The following MON2 variants were observed in gnomAD, a reference collection of about 807,000 sequenced individuals.
MON2 encodes protein MON2 homolog.
In MON2, 84 loss-of-function variants were observed where a neutral mutation model predicts 208.6. The observed-to-expected ratio is 0.40, with a 90% CI of 0.34 to 0.48. MON2 has a LOEUF of 0.48. MON2 is among the 20% of genes least tolerant of loss of function. The pLI, the probability that MON2 is intolerant of heterozygous loss-of-function variation, is 0.59. For missense variants in MON2, 1,611 were observed against 2,015.4 expected (o/e 0.80, Z 3.84); for synonymous variants, 660 against 694.0 (o/e 0.95, Z 0.77).
In MON2 at chr12:62,537,648, C is replaced by T. The variant is rs894159204; in HGVS notation, c.2060C>T (p.Ala687Val). Residue 687 changes from alanine (A) to valine (V), a missense_variant, in exon 16 of 35, where the codon GCG (alanine) becomes GTG (valine). Coordinates refer to ENST00000393630, the MANE Select transcript of MON2 (RefSeq NM_015026.3). ...TGTATGAGGACTTTACTTAACTTGG[C>T]GCATTGCCATGGGGCTGTTCTTGGA... ...IQCMRTLLNL[A>V]HCHGAVLGTS... is the part of the protein sequence containing the mutation. The T allele has an allele frequency of 8.7e-6, 14 of 1,613,086 alleles. No individual in the cohort carries two copies. Among genetic ancestry groups the T allele is most frequent in the East Asian group, 4.5e-5 (2 of 44,828 alleles).
Position 62,531,622 on chromosome 12 carries a change from G to A in MON2, c.1401-816G>A, listed in dbSNP as rs560212508. Among the ~76,000 whole-genome samples the A allele has an allele frequency of 3.3e-5, 5 of 152,046 alleles. No individual in the cohort carries two copies. The East Asian group carries it at 5.8e-4, about 18-fold the overall frequency. ...TAACTATGGGGTAAAAAATTGCTCCGCAGTTTGAACTTGACACACTGATGC... is the reference window on the plus strand; with the variant it reads ...TAACTATGGGGTAAAAAATTGCTCCACAGTTTGAACTTGACACACTGATGC... On this transcript the variant is annotated intron_variant, in intron 11 of 34. Coordinates refer to ENST00000393630, the MANE Select transcript of MON2 (RefSeq NM_015026.3).
chr12:62,488,723 A>G (rs1176464996), intron 2 of MON2, among the ~76,000 whole-genome samples: 1 of 152,182 alleles, frequency 6.6e-6, no homozygotes, highest in Non-Finnish European at 1.5e-5. Flanking sequence ...GGGAGATTAC[A>G]TAGTTTATCT....
At chr12:62,504,245 C>CTTTTTTT (rs71450586) in intron 7 of MON2, among the ~76,000 whole-genome samples, 1 of 118,606 alleles carries the variant, frequency 8.4e-6, no homozygotes, top group Non-Finnish European at 1.7e-5. Context: ...CTTTTCTTTT[C>CTTTTTTT]TTTTTTTTTT....
chr12:62,483,070 A>G (rs1405695877), intron 1 of MON2: 1 of 152,154 alleles, frequency 6.6e-6, no homozygotes, highest in Non-Finnish European at 1.5e-5. Flanking sequence ...AGAAACAGAC[A>G]TTTAATTTTA....
At chr12:62,588,590 C>T (rs1257160914) in intron 34 of MON2, among the ~76,000 whole-genome samples, 1 of 152,136 alleles carries the variant, frequency 6.6e-6, no homozygotes, top group African/African-American at 2.4e-5. Context: ...TTCTGTTGTT[C>T]ATTCCTGTCC....
chr12:62,480,044 A>G (rs2069318310), intron 1 of MON2, among the ~76,000 whole-genome samples: 1 of 152,210 alleles, frequency 6.6e-6, no homozygotes, highest in African/African-American at 2.4e-5. Context: ...TGTGTCAATA[A>G]TCATTGATAG....
intron 12 of MON2, among the ~76,000 whole-genome samples, chr12:62,533,753 A>C (rs888806856): frequency 6.6e-6 from 1 of 152,178 alleles, no homozygotes; most frequent in Non-Finnish European, 1.5e-5. Flanking sequence ...CCACTTGGAT[A>C]GGAAATACAT....
At chr12:62,560,466 G>GT (rs751681688) in intron 25 of MON2, 25 bp from the exon 26 acceptor site, 511 of 1,535,798 alleles carry the variant, frequency 3.3e-4, no homozygotes, top group Admixed American at 6.8e-4. Context: ...TATGATAATA[G>GT]TTTTTTTTTC....
At chr12:62,554,410 A>C (rs1264143428) in intron 24 of MON2, among the ~76,000 whole-genome samples, 1 of 152,110 alleles carries the variant, frequency 6.6e-6, no homozygotes, top group East Asian at 1.9e-4. Context: ...AATTTCTATC[A>C]AGTTCCTGGG....
chr12:62,533,095 A>ATATGACC (rs1365115338), intron 12 of MON2, among the ~76,000 whole-genome samples: 33 of 152,242 alleles, frequency 2.2e-4, no homozygotes, highest in African/African-American at 7.9e-4. Context: ...TCCTTGTTTT[A>ATATGACC]TATGACCTTA....
At position 62,598,369 on chromosome 12, in the gene MON2, C is replaced by T. The variant is rs1439232720; in HGVS notation, c.*5620C>T. On this transcript the variant is annotated 3_prime_UTR_variant, in exon 35 of 35. Coordinates refer to ENST00000393630, the MANE Select transcript of MON2 (RefSeq NM_015026.3). ...CCAGGGAAGATCTGCTAAACCATGC[C>T]GTTATTTGGAAAATCATTGCAATAT... is the stretch of plus-strand genomic sequence containing the variant. 1 of 152,068 alleles carries T rather than the reference C, an allele frequency of 6.6e-6. No individual in the cohort carries two copies. Among genetic ancestry groups the T allele is most frequent in the African/African-American group, 2.4e-5 (1 of 41,418 alleles). The allele number at this position is 152,068 out of a possible 1,614,324, so 9.4% of individuals were successfully genotyped here.
At chr12:62,560,113 ATTTT>A in intron 25 of MON2, 1 of 156,564 alleles carries the variant, frequency 6.4e-6, no homozygotes, top group East Asian at 1.9e-4. Context: ...GGGGTTTTTA[ATTTT>A]TTTTATTTCA....
intron 3 of MON2, among the ~76,000 whole-genome samples, chr12:62,494,730 C>A (rs923047930): frequency 7.2e-5 from 11 of 152,150 alleles, no homozygotes; most frequent in Non-Finnish European, 1.3e-4. Flanking sequence ...AATCTATCAA[C>A]ATTATTGTAG....
chr12:62,479,380 A>G (rs937985081), intron 1 of MON2, among the ~76,000 whole-genome samples: 2 of 150,128 alleles, frequency 1.3e-5, no homozygotes, highest in Non-Finnish European at 2.9e-5. Context: ...TGTAAATGCT[A>G]TGTAAATAGT....
intron 11 of MON2, among the ~76,000 whole-genome samples, chr12:62,531,165 G>A (rs2072619656): frequency 6.6e-6 from 1 of 152,106 alleles, no homozygotes; most frequent in African/African-American, 2.4e-5. Context: ...CTTTCATTCT[G>A]TGGGTCTTTT....
intron 2 of MON2, among the ~76,000 whole-genome samples, chr12:62,485,541 T>C: frequency 6.6e-6 from 1 of 152,178 alleles, no homozygotes; most frequent in East Asian, 1.9e-4. Context: ...TTTCCCTGAT[T>C]TTGAACAGTC....
At chr12:62,556,686 G>A (rs1423696704) in intron 25 of MON2, among the ~76,000 whole-genome samples, 1 of 152,142 alleles carries the variant, frequency 6.6e-6, no homozygotes, top group Non-Finnish European at 1.5e-5. Context: ...CATGTTTAAA[G>A]GTCTAGAATG....
At chr12:62,518,935 A>C (rs1489819736) in intron 8 of MON2, among the ~76,000 whole-genome samples, 2 of 152,142 alleles carry the variant, frequency 1.3e-5, no homozygotes, top group Non-Finnish European at 2.9e-5. Flanking sequence ...GATGCCTGGT[A>C]GTTGGGGGGC....
intron 13 of MON2, 31 bp from the exon 14 acceptor site, chr12:62,535,494 A>T: frequency 6.8e-7 from 1 of 1,478,238 alleles, no homozygotes; most frequent in Non-Finnish European, 9.1e-7. Flanking sequence ...AAAATAAGTT[A>T]ATCAGATTAA....
Sources: gnomAD v4.1 joint callset for allele counts (sites outside exome capture counted in the v4.1 genomes callset) on GRCh38, gnomAD v4.1.1 for gene constraint, MANE v1.5 for transcripts, NCBI Gene and HGNC (gene_info 2026-07-23, HGNC 2026-07-21) for gene names.